The following AHCTF1 variants were observed in gnomAD, a reference collection of about 807,000 sequenced individuals.
AHCTF1 encodes protein ELYS.
Under a neutral mutation model 248.4 loss-of-function variants are expected in AHCTF1, and 24 were observed. The observed-to-expected ratio is 0.10, with a 90% CI of 0.07 to 0.14. AHCTF1 has a LOEUF of 0.14. Ranked by LOEUF, AHCTF1 falls within the 10% of genes least tolerant of loss-of-function variation. AHCTF1 has a pLI of 1.00. For synonymous variants in AHCTF1, 786 were observed against 929.8 expected (o/e 0.85, Z 2.81); for missense variants, 2,206 against 2,636.2 (o/e 0.84, Z 3.57).
chr1:246,887,196 A>C lies in AHCTF1; in HGVS notation c.2472+15T>G. On this transcript the variant is annotated intron_variant, in intron 20 of 35. Coordinates refer to ENST00000648844, the MANE Select transcript of AHCTF1 (RefSeq NM_001323342.2). ...GTAATTCATGAAAGTTTATGCTGTA[A>C]GTGAATAGACTTACCTCATAGTCAT... 1.3e-6 allele frequency: 2 copies of C among 1,585,892 alleles called. No individual in the cohort carries two copies. The highest frequency in any genetic ancestry group is 2.7e-5 in the African/African-American group (2 of 73,338).
At position 246,900,231 on chromosome 1, in the gene AHCTF1, T is replaced by C. The variant is rs773457659; in HGVS notation, c.1266A>G (p.Leu422=). The change falls in exon 10 of 36, where the codon CTA becomes CTG. Residue 422 remains leucine, a synonymous_variant. Transcript: ENST00000648844. ...ACAGTGCAAAATAAGAGCAATTATG[T>C]AGATATTCTCCTGACCTAAAAGAAA... is the stretch of plus-strand genomic sequence containing the variant. ...MPDSLRSGEY[L]HNCSYFALWS... is the part of the protein sequence containing the mutation. 4 of 1,592,702 alleles carry C rather than the reference T, an allele frequency of 2.5e-6. No individual in the cohort carries two copies. The highest frequency in any genetic ancestry group is 1.4e-5 in the African/African-American group (1 of 73,530).
rs754292006 is a variant in AHCTF1 at position 246,876,979 on chromosome 1, G to C, written c.2908C>G (p.Leu970Val). ...ACATTAATCTTCAGAGTTTGGTTCA[G>C]CTTCAAGGCAGGCACATAATTGGCA... Reference protein sequence around the residue: ...QRANYVPALKLNQTLKINVMN... With the variant: ...QRANYVPALKVNQTLKINVMN... The change falls in exon 23 of 36, where the codon CTG becomes GTG. Residue 970 changes from leucine (L) to valine (V), a missense_variant. Physicochemically the swap from Leu to Val is conservative, Grantham distance 32 (BLOSUM62 1). This residue lies in a region of AHCTF1 where 955 missense variants were observed against 1,055.6 expected (regional missense o/e 0.90). Coordinates refer to ENST00000648844, the MANE Select transcript of AHCTF1 (RefSeq NM_001323342.2). 1.6e-5 allele frequency: 26 copies of C among 1,611,898 alleles called. No individual in the cohort carries two copies. The highest frequency in any genetic ancestry group is 2.2e-5 in the Non-Finnish European group (26 of 1,179,890).
intron 21 of AHCTF1, among the ~76,000 whole-genome samples, chr1:246,879,927 T>C (rs1439416880): frequency 6.6e-6 from 1 of 152,168 alleles, no homozygotes; most frequent in Non-Finnish European, 1.5e-5. Context: ...GCAAATCCTT[T>C]ATGTAATTAT....
chr1:246,931,301 G>C, intron 1 of AHCTF1: 1 of 1,547,452 alleles, frequency 6.5e-7, no homozygotes, highest in Middle Eastern at 1.9e-4. Flanking sequence ...CGCAGGACGC[G>C]AACCACCAGC....
At chr1:246,888,063 A>T in intron 19 of AHCTF1, 114 bp downstream of exon 19, 1 of 1,159,942 alleles carries the variant, frequency 8.6e-7, no homozygotes, top group East Asian at 2.5e-5. Flanking sequence ...ACCTCTTCTT[A>T]AGAAAACAAA....
chr1:246,901,072 G>A (rs930533984), intron 8 of AHCTF1, among the ~76,000 whole-genome samples: 1 of 152,164 alleles, frequency 6.6e-6, no homozygotes, highest in Non-Finnish European at 1.5e-5. Context: ...AGGTGCAGTG[G>A]CTCACACTTG....
intron 2 of AHCTF1, 105 bp downstream of exon 2, chr1:246,918,145 G>T: frequency 2.4e-5 from 26 of 1,063,742 alleles, no homozygotes; most frequent in Non-Finnish European, 3.2e-5. Context: ...GATCACTCAG[G>T]TTCTGCTTTT....
chr1:246,876,539 T>G (rs1662978624), intron 23 of AHCTF1, among the ~76,000 whole-genome samples: 1 of 152,202 alleles, frequency 6.6e-6, no homozygotes, highest in African/African-American at 2.4e-5. Context: ...AAAGCAAGAC[T>G]CAGAGTGTGT....
intron 20 of AHCTF1, among the ~76,000 whole-genome samples, chr1:246,885,959 AG>A (rs1558247849): frequency 6.6e-6 from 1 of 152,166 alleles, no homozygotes; most frequent in East Asian, 1.9e-4. Context: ...GGCCAAGACA[AG>A]CGGACTGCTT....
Position 246,851,162 on chromosome 1 carries a change from G to A in AHCTF1, c.4844C>T (p.Pro1615Leu), listed in dbSNP as rs757264547. ...PGDFASSDVL[P>L]KAANTATEEK... ...TTCAGTTGCTGTGTTAGCTGCTTTA[G>A]GTAACACATCAGATGATGCAAAATC... The change falls in exon 33 of 36, where the codon CCT becomes CTT. Residue 1615 changes from proline (P) to leucine (L), a missense_variant. Transcript: ENST00000648844. 1 of 1,613,846 alleles carries A rather than the reference G, an allele frequency of 6.2e-7. No individual in the cohort carries two copies. Among genetic ancestry groups the A allele is most frequent in the East Asian group, 2.2e-5 (1 of 44,876 alleles).
At position 246,896,358 on chromosome 1, in the gene AHCTF1, C is replaced by A. The variant is rs528665408; in HGVS notation, c.1624-433G>T. 2.6e-4 allele frequency among the ~76,000 whole-genome samples: 40 copies of A among 152,234 alleles called. No individual in the cohort carries two copies. In the South Asian group the frequency reaches 6.2e-3, roughly 24 times the overall value. ...ATAAACAAATTATGGTATGCTCATA[C>A]AACAGAATATTATACAGCCATAAAA... On this transcript the variant is annotated intron_variant, in intron 12 of 35. Coordinates refer to ENST00000648844, the MANE Select transcript of AHCTF1 (RefSeq NM_001323342.2).
chr1:246,929,227 G>A lies in AHCTF1; in HGVS notation c.-8+2351C>T, dbSNP rs1190728027. ...AGTTCGAGATCACCCTGGGCAACATGGTGAAACCCCGTCTCTACTAAAATA... is the reference window on the plus strand; with the variant it reads ...AGTTCGAGATCACCCTGGGCAACATAGTGAAACCCCGTCTCTACTAAAATA... On this transcript the variant is annotated intron_variant, in intron 1 of 35. Transcript: ENST00000648844. Among the ~76,000 whole-genome samples, 3 of 152,188 alleles carry A rather than the reference G, an allele frequency of 2.0e-5. No individual in the cohort carries two copies. In the East Asian group the frequency reaches 5.8e-4, roughly 29 times the overall value.
intron 8 of AHCTF1, among the ~76,000 whole-genome samples, chr1:246,901,443 T>C (rs1664990889): frequency 6.6e-6 from 1 of 151,956 alleles, no homozygotes; most frequent in African/African-American, 2.4e-5. Context: ...GCTAACACGG[T>C]GAAACCCTGT....
At chr1:246,930,473 A>G (rs1667266631) in intron 1 of AHCTF1, among the ~76,000 whole-genome samples, 1 of 152,094 alleles carries the variant, frequency 6.6e-6, no homozygotes, top group Non-Finnish European at 1.5e-5. Flanking sequence ...CCCTTCAAGT[A>G]TTAACCTTAA....
chr1:246,920,932 CA>C (rs912446464), intron 1 of AHCTF1, among the ~76,000 whole-genome samples: 12 of 146,096 alleles, frequency 8.2e-5, no homozygotes, highest in East Asian at 2.0e-4. Flanking sequence ...CTAATAATAC[CA>C]AAAAAAAAAT....
rs146950666 is a variant in AHCTF1 at position 246,880,997 on chromosome 1, T to C, written c.2661-3695A>G. Among the ~76,000 whole-genome samples the C allele has an allele frequency of 3.0e-3, 455 of 152,298 alleles. 5 individuals are homozygous for C. Among genetic ancestry groups the C allele is most frequent in the African/African-American group, 0.01 (431 of 41,572 alleles). On this transcript the variant is annotated intron_variant, in intron 21 of 35. Coordinates refer to ENST00000648844, the MANE Select transcript of AHCTF1 (RefSeq NM_001323342.2). The stretch of plus-strand genomic sequence containing the variant: ...ACAGCAAAGACAGACTGAAAACCCA[T>C]CCTGTGGCAAACTCTCTAAACATGC...
rs573448373 is a variant in AHCTF1, at chr1:246,902,771, T to C, written c.967-96A>G. 114 of 1,232,594 alleles carry C rather than the reference T, an allele frequency of 9.2e-5. No individual in the cohort carries two copies. The African/African-American group carries it at 1.6e-3, about 18-fold the overall frequency. The allele number at this position is 1,232,594 out of a possible 1,614,324, so 76.4% of individuals were successfully genotyped here. ...CCAAATTTAAAGATTGTTCACACAA[T>C]ACAAAGAAAACAATTTAGACTGAAG... On this transcript the variant is annotated intron_variant, in intron 7 of 35. Transcript: ENST00000648844.
At chr1:246,860,411 T>C (rs1280990818) in intron 29 of AHCTF1, among the ~76,000 whole-genome samples, 4 of 152,180 alleles carry the variant, frequency 2.6e-5, no homozygotes, top group African/African-American at 9.7e-5. Context: ...CACGGCCAAA[T>C]AAAAAATGTA....
intron 14 of AHCTF1, among the ~76,000 whole-genome samples, chr1:246,894,135 T>C (rs1664403437): frequency 6.6e-6 from 1 of 151,828 alleles, no homozygotes; most frequent in African/African-American, 2.4e-5. Context: ...GCTCAAAAAG[T>C]CAAGGCTGCA....
Sources: gnomAD v4.1 joint callset for allele counts (sites outside exome capture counted in the v4.1 genomes callset) on GRCh38, gnomAD v4.1.1 for gene constraint, gnomAD v4.1.1 regional missense constraint, MANE v1.5 for transcripts, NCBI Gene and HGNC (gene_info 2026-07-23, HGNC 2026-07-21) for gene names.